The following SLC35G2 variants were observed in gnomAD, a reference collection of about 807,000 sequenced individuals.
SLC35G2 encodes solute carrier family 35 member G2, also known as transmembrane protein 22.
Under a neutral mutation model 27.2 loss-of-function variants are expected in SLC35G2, and 20 were observed. The ratio of observed to expected loss-of-function variants is 0.74; its 90% CI spans 0.52 to 1.07. The LOEUF (loss-of-function observed/expected upper bound fraction) is 1.07, where lower values mean the gene tolerates loss of function less well. Among genes scored for constraint, SLC35G2 ranks in the 50% least tolerant of loss-of-function variants. SLC35G2 has a pLI of 0.00. For synonymous variants in SLC35G2, 148 were observed against 165.3 expected, an observed-to-expected ratio of 0.90 and a Z score of 0.80; for missense variants, 416 against 493.3, an observed-to-expected ratio of 0.84 and a Z score of 1.48.
intron 1 of SLC35G2, among the ~76,000 whole-genome samples, chr3:136,827,582 T>A (rs1405285865): frequency 6.6e-6 from 1 of 152,210 alleles, no homozygotes; most frequent in Non-Finnish European, 1.5e-5. Context: ...CTTTTTTTGA[T>A]GTAGGCATTT....
intron 1 of SLC35G2, among the ~76,000 whole-genome samples, chr3:136,845,484 T>C (rs1279197615): frequency 6.6e-6 from 1 of 152,210 alleles, no homozygotes; most frequent in Admixed American, 6.5e-5. Flanking sequence ...CTGAAGATGC[T>C]GAAAGACATG....
At chr3:136,854,309 T>C in intron 1 of SLC35G2, 134 bp from the exon 2 acceptor site, 2 of 612,770 alleles carry the variant, frequency 3.3e-6, no homozygotes, top group Non-Finnish European at 5.6e-6. Context: ...TGCCAGATCA[T>C]CTCTAATTTC....
In SLC35G2 at chr3:136,847,464, G is replaced by A. The variant is rs77750516; in HGVS notation, c.-18-6979G>A. On this transcript the variant is annotated intron_variant, in intron 1 of 1. Transcript: ENST00000446465. ...TAGCAGAAGACAACAAGCAAGGAGA[G>A]AATTCTAACGTATATCAGAATTAGG... 4.1e-3 allele frequency among the ~76,000 whole-genome samples: 622 copies of A among 152,202 alleles called. 10 individuals are homozygous for A. In the East Asian group the frequency reaches 0.055, roughly 14 times the overall value.
At chr3:136,833,345 ACTTT>A (rs1350686366) in intron 1 of SLC35G2, among the ~76,000 whole-genome samples, 1 of 152,184 alleles carries the variant, frequency 6.6e-6, no homozygotes, top group Non-Finnish European at 1.5e-5. Flanking sequence ...TTAAAAAGTA[ACTTT>A]CTAACAATCA....
At chr3:136,830,154 G>A (rs1936691700) in intron 1 of SLC35G2, among the ~76,000 whole-genome samples, 1 of 144,764 alleles carries the variant, frequency 6.9e-6, no homozygotes, top group Non-Finnish European at 1.5e-5. Flanking sequence ...CTGTCACCAG[G>A]CTGGGGTGCA....
chr3:136,819,601 C>G lies in SLC35G2; in HGVS notation c.-46C>G, dbSNP rs187732564. 8.5e-4 allele frequency: 130 copies of G among 152,396 alleles called. No individual in the cohort carries two copies. The highest frequency in any genetic ancestry group is 2.9e-3 in the African/African-American group (120 of 41,594). 9.4% of individuals were successfully genotyped at this position (152,396 alleles called of 1,614,324 possible). A position where few individuals can be genotyped will look rare whatever the true frequency, so the allele number is the denominator to read the frequency against. On this transcript the variant is annotated 5_prime_UTR_variant, in exon 1 of 2. Transcript: ENST00000446465. The stretch of plus-strand genomic sequence containing the variant: ...GAAGGCCAGGGGCTGTTGCTTTCCT[C>G]TCGCCCAGTAGCCAACCCAAGCAAG...
chr3:136,835,307 C>CTTTTTT (rs59937564), intron 1 of SLC35G2, among the ~76,000 whole-genome samples: 1 of 113,200 alleles, frequency 8.8e-6, no homozygotes, highest in Non-Finnish European at 1.8e-5. Flanking sequence ...AGGCCTTTTT[C>CTTTTTT]TTTTTTTTTT....
intron 1 of SLC35G2, among the ~76,000 whole-genome samples, chr3:136,849,555 G>A (rs1411261719): frequency 1.3e-5 from 2 of 151,400 alleles, no homozygotes; most frequent in Non-Finnish European, 2.9e-5. Context: ...GCAGTGGTGC[G>A]ATCTTGGCTC....
chr3:136,845,741 G>A (rs1347270971), intron 1 of SLC35G2, among the ~76,000 whole-genome samples: 1 of 151,660 alleles, frequency 6.6e-6, no homozygotes, highest in Non-Finnish European at 1.5e-5. Flanking sequence ...GACTATAGGT[G>A]CGCGCCATCA....
chr3:136,851,447 G>C (rs2108036604), intron 1 of SLC35G2, among the ~76,000 whole-genome samples: 1 of 121,034 alleles, frequency 8.3e-6, no homozygotes, highest in East Asian at 3.0e-4. Context: ...GCAGTGAGCC[G>C]AGATTGTGCC....
chr3:136,846,749 G>T (rs903902081), intron 1 of SLC35G2, among the ~76,000 whole-genome samples: 2 of 152,178 alleles, frequency 1.3e-5, no homozygotes, highest in African/African-American at 4.8e-5. Context: ...TGTGAAGACG[G>T]TTATGTCAAA....
chr3:136,836,869 T>TAAAG (rs1936885937), intron 1 of SLC35G2, among the ~76,000 whole-genome samples: 1 of 152,226 alleles, frequency 6.6e-6, no homozygotes, highest in South Asian at 2.1e-4. Flanking sequence ...TACAGATTCT[T>TAAAG]AGATTGAAAT....
intron 1 of SLC35G2, among the ~76,000 whole-genome samples, chr3:136,849,336 CATT>C (rs1485196816): frequency 6.6e-6 from 1 of 151,692 alleles, no homozygotes; most frequent in Non-Finnish European, 1.5e-5. Context: ...TATATTTTAT[CATT>C]ATACTTTGTA....
chr3:136,838,852 C>T (rs921762116), intron 1 of SLC35G2: 1 of 152,130 alleles, frequency 6.6e-6, no homozygotes, highest in African/African-American at 2.4e-5. Flanking sequence ...GATGATCTCT[C>T]AAGAGTTAGG....
intron 1 of SLC35G2, among the ~76,000 whole-genome samples, chr3:136,850,032 G>A (rs932436314): frequency 2.0e-5 from 3 of 152,074 alleles, no homozygotes; most frequent in Admixed American, 6.5e-5. Context: ...TCTTGAAGCC[G>A]GGAGGTGGAG....
At chr3:136,828,741 G>C (rs977597380) in intron 1 of SLC35G2, among the ~76,000 whole-genome samples, 28 of 152,256 alleles carry the variant, frequency 1.8e-4, no homozygotes, top group African/African-American at 6.5e-4. Context: ...TACATTCAAT[G>C]TTATCAATAA....
chr3:136,839,745 A>G (rs1028632518), intron 1 of SLC35G2, among the ~76,000 whole-genome samples: 4 of 152,174 alleles, frequency 2.6e-5, no homozygotes, highest in Non-Finnish European at 4.4e-5. Flanking sequence ...AAGCTACTGC[A>G]TAGCTGATAA....
chr3:136,854,466 T>A lies in SLC35G2; in HGVS notation c.6T>A (p.Asp2Glu), dbSNP rs773600079. M[D>E]TSPSRKYPVK... ...AGAATTGATTATCTGAAGAAATGGATACTTCTCCCTCCAGAAAATATCCAG... is the reference window on the plus strand; with the variant it reads ...AGAATTGATTATCTGAAGAAATGGAAACTTCTCCCTCCAGAAAATATCCAG... The change falls in exon 2 of 2, where the codon GAT (aspartate) becomes GAA (glutamate). Residue 2 changes from aspartate to glutamate, a missense_variant. Physicochemically the swap from Asp to Glu is conservative, Grantham distance 45. Coordinates refer to ENST00000446465, the MANE Select transcript of SLC35G2 (RefSeq NM_025246.3). 12 of 1,571,514 alleles carry A rather than the reference T, an allele frequency of 7.6e-6. No individual in the cohort carries two copies. The South Asian group carries it at 1.4e-4, about 19-fold the overall frequency.
Sources: allele counts gnomAD v4.1 joint callset (sites outside exome capture counted in the v4.1 genomes callset), GRCh38; gene constraint gnomAD v4.1.1; transcripts MANE v1.5; gene names NCBI Gene and HGNC (gene_info 2026-07-23, HGNC 2026-07-21).